Variants in RP1 observed in about 807,000 individuals in gnomAD.
RP1 encodes the protein RP1 axonemal microtubule associated, also known as oxygen-regulated protein 1.
In RP1, 16 loss-of-function variants were observed where a neutral mutation model predicts 14.8. That is an observed-to-expected ratio of 1.08 (90% CI 0.73 to 1.65). The LOEUF is 1.65. Ranked by LOEUF, RP1 falls within the 40% of genes most tolerant of loss-of-function variation. The pLI is 0.00. For missense variants in RP1, 2,631 were observed against 2,535.0 expected (o/e 1.04, Z -0.81); for synonymous variants, 876 against 883.6 (o/e 0.99, Z 0.15).
chr8:54,675,995 G>A (rs1018681917), intron 8 of RP1, among the ~76,000 whole-genome samples: 2 of 152,012 alleles, frequency 1.3e-5, no homozygotes, highest in Non-Finnish European at 2.9e-5. Flanking sequence ...CATGGTGGAA[G>A]GGCAAAAAGG....
chr8:54,646,005 G>A (rs943276156), intron 3 of RP1, among the ~76,000 whole-genome samples: 2 of 151,854 alleles, frequency 1.3e-5, no homozygotes, highest in African/African-American at 4.8e-5. Context: ...TTTTTCTCCA[G>A]TTCATCTACT....
In RP1 at chr8:54,625,693, G is replaced by C. The variant is rs1232017021; in HGVS notation, c.1811G>C (p.Arg604Thr). Residue 604 changes from arginine to threonine, a missense_variant, in exon 4 of 4, where the codon AGG (arginine) becomes ACG (threonine). By Grantham distance (71) the Arg-to-Thr change is moderately conservative (BLOSUM62 -1). Transcript: ENST00000220676. ...NFKTYGNTND[R>T]FSPISADATH... ...AAAACTTATGGTAACACCAATGATA[G>C]GTTCAGTCCTATTTCAGCAGATGCA... The C allele has an allele frequency of 6.2e-7, 1 of 1,613,896 alleles. No homozygotes were observed. The highest frequency in any genetic ancestry group is 1.3e-5 in the African/African-American group (1 of 74,908).
Position 54,606,648 on chromosome 8 carries a change from G to T in RP1, c.-12-14307G>T, listed in dbSNP as rs1805452792. 3.3e-5 allele frequency among the ~76,000 whole-genome samples: 5 copies of T among 152,108 alleles called. 1 individual carries two copies. The South Asian group carries it at 1.0e-3, about 32-fold the overall frequency. The stretch of plus-strand genomic sequence containing the variant: ...TATCCTGCAGAGTGTTTTCCAACTT[G>T]GTTGCACTCTCCTCATCACTTTCAG... On this transcript the variant is annotated intron_variant, in intron 1 of 22. Coordinates refer to the RP1 transcript ENST00000636932.
exon 13 of RP1, chr8:54,699,516 T>C: frequency 7.1e-7 from 1 of 1,412,942 alleles, no homozygotes. Flanking sequence ...TTTTCCAAAG[T>C]CATGAGATGA....
At chr8:54,589,571 C>T in intron 1 of RP1, among the ~76,000 whole-genome samples, 1 of 152,182 alleles carries the variant, frequency 6.6e-6, no homozygotes, top group Admixed American at 6.5e-5. Context: ...GTTGTTTCTG[C>T]TGCTCAGCTC....
At chr8:54,670,669 TTTTATATATATATA>T (rs1274406444) in intron 7 of RP1, among the ~76,000 whole-genome samples, 15 of 63,546 alleles carry the variant, frequency 2.4e-4, no homozygotes, top group East Asian at 3.7e-4. Flanking sequence ...ATATATATGT[TTTTATATATATATA>T]TATATATATA....
At chr8:54,861,237 C>T (rs1409167909) in intron 27 of RP1, among the ~76,000 whole-genome samples, 11 of 152,146 alleles carry the variant, frequency 7.2e-5, no homozygotes, top group Non-Finnish European at 1.5e-4. Context: ...GTGGTTCTAC[C>T]TGTGTTCACC....
At chr8:54,737,904 G>T (rs1252748329) in intron 18 of RP1, among the ~76,000 whole-genome samples, 2 of 152,092 alleles carry the variant, frequency 1.3e-5, no homozygotes, top group Non-Finnish European at 2.9e-5. Context: ...TCTCTAGTCT[G>T]CAGAGGTAGA....
chr8:54,806,797 A>C (rs1252830834), intron 24 of RP1, among the ~76,000 whole-genome samples: 1 of 152,202 alleles, frequency 6.6e-6, no homozygotes, highest in African/African-American at 2.4e-5. Context: ...GTAATGGGTG[A>C]AGAGGAACAT....
rs190749967 is a variant in RP1 at position 54,575,874 on chromosome 8, C to T, written c.-13+16554C>T. ...TCAAAAATAATGTCTATTTCTGTAG[C>T]ACCGTTATCAATAGGTGAGAGTGTT... On this transcript the variant is annotated intron_variant, in intron 1 of 22. Coordinates refer to the RP1 transcript ENST00000636932. Among the ~76,000 whole-genome samples, 625 of 152,298 alleles carry T rather than the reference C, an allele frequency of 4.1e-3. 15 individuals are homozygous for T. The highest frequency in any genetic ancestry group is 4.2e-3 in the Non-Finnish European group (286 of 68,038).
downstream of RP1, chr8:54,770,195 T>C (rs1809867642): frequency 2.5e-6 from 1 of 401,590 alleles, no homozygotes; most frequent in East Asian, 3.6e-5. Context: ...TTTTCATCTT[T>C]TAATCATCTG....
At chr8:54,737,123 T>A (rs988689069) in intron 18 of RP1, among the ~76,000 whole-genome samples, 1 of 152,184 alleles carries the variant, frequency 6.6e-6, no homozygotes, top group Non-Finnish European at 1.5e-5. Context: ...TGGGTTCAAA[T>A]TTTACTTTTG....
exon 6 of RP1, chr8:54,656,184 T>A (rs1563339189): frequency 1.3e-6 from 2 of 1,535,826 alleles, no homozygotes; most frequent in South Asian, 2.4e-5. Flanking sequence ...GAGAATTTCC[T>A]CTTTTAAGTA....
chr8:54,660,826 A>C (rs538268673), intron 6 of RP1, among the ~76,000 whole-genome samples: 5 of 152,166 alleles, frequency 3.3e-5, no homozygotes, highest in African/African-American at 1.2e-4. Flanking sequence ...AATTAAGAAA[A>C]TTTCAGTTCA....
At chr8:54,691,426 A>G (rs749037795) in intron 12 of RP1, among the ~76,000 whole-genome samples, 5 of 152,104 alleles carry the variant, frequency 3.3e-5, no homozygotes, top group Non-Finnish European at 5.9e-5. Flanking sequence ...ATTAGATTTG[A>G]AAGCTAGGAA....
intron 25 of RP1, among the ~76,000 whole-genome samples, chr8:54,841,452 C>A (rs1229047123): frequency 1.3e-5 from 2 of 152,214 alleles, no homozygotes; most frequent in Admixed American, 6.5e-5. Flanking sequence ...TTGGCACTTA[C>A]ACTCTGAGCT....
At chr8:54,559,304 C>T (rs754851077) in exon 1 of RP1, 3 of 152,182 alleles carry the variant, frequency 2.0e-5, no homozygotes, top group Admixed American at 1.3e-4. Context: ...TTTCTACAAA[C>T]ATTTTGGAAA....
downstream of RP1, among the ~76,000 whole-genome samples, chr8:54,770,887 T>C (rs886781013): frequency 1.3e-5 from 2 of 151,954 alleles, no homozygotes; most frequent in Non-Finnish European, 2.9e-5. Context: ...ATAGTATTAA[T>C]ATGTTACATT....
chr8:54,781,857 T>C (rs1810197651), intron 23 of RP1, among the ~76,000 whole-genome samples: 1 of 152,172 alleles, frequency 6.6e-6, no homozygotes, highest in African/African-American at 2.4e-5. Context: ...CATCGTGACA[T>C]GCTAATTCCA....
Sources: gnomAD v4.1 joint callset for allele counts (sites outside exome capture counted in the v4.1 genomes callset) on GRCh38, gnomAD v4.1.1 for gene constraint, MANE v1.5 for transcripts, NCBI Gene and HGNC (gene_info 2026-07-23, HGNC 2026-07-21) for gene names.